The following RABGEF1 variants were observed in gnomAD, a reference collection of about 807,000 sequenced individuals.
RABGEF1 encodes the protein rab5 GDP/GTP exchange factor.
In RABGEF1, 26 loss-of-function variants were observed where a neutral mutation model predicts 57.3. The ratio of observed to expected loss-of-function variants is 0.45; its 90% confidence interval spans 0.33 to 0.63. The LOEUF (loss-of-function observed/expected upper bound fraction) is 0.63, where lower values mean the gene tolerates loss of function less well. Ranked by LOEUF, RABGEF1 falls within the 20% of genes least tolerant of loss-of-function variation. The pLI is 0.02. For synonymous variants in RABGEF1, 185 were observed against 210.7 expected (o/e 0.88, Z 1.06); for missense variants, 464 against 607.6 (o/e 0.76, Z 2.48).
chr7:66,719,877 A>G (rs1348188486), intron 2 of RABGEF1, among the ~76,000 whole-genome samples: 1 of 152,208 alleles, frequency 6.6e-6, no homozygotes, highest in Non-Finnish European at 1.5e-5. Context: ...AAAGCCTCAC[A>G]TATTTACTGA....
intron 4 of RABGEF1, among the ~76,000 whole-genome samples, chr7:66,788,337 C>T (rs996272577): frequency 6.6e-6 from 1 of 151,498 alleles, no homozygotes; most frequent in East Asian, 2.0e-4. Context: ...CCCAGCTACT[C>T]GGGAGGCTGA....
chr7:66,658,708 CA>C, the RABGEF1 span, among the ~76,000 whole-genome samples: 17 of 152,152 alleles, frequency 1.1e-4, no homozygotes, highest in African/African-American at 3.6e-4. Context: ...CAAACTCTTT[CA>C]AAAACTTGAA....
the RABGEF1 span, among the ~76,000 whole-genome samples, chr7:66,661,973 G>GGCGTGGTAGC: frequency 3.3e-5 from 5 of 152,196 alleles, no homozygotes; most frequent in Non-Finnish European, 7.3e-5. Flanking sequence ...AGACCAGCTG[G>GGCGTGGTAGC]GCGTGGTGGC....
rs73377596 is a variant in RABGEF1 at position 66,751,742 on chromosome 7, A to G, written c.-18+10950A>G. ...CTGTCATATTTGTCTCTTGAGAACA[A>G]TGAGATTGCTGAAAATTTCACTCTT... On this transcript the variant is annotated intron_variant, in intron 1 of 8. Transcript: ENST00000284957. Among the ~76,000 whole-genome samples, 383 of 152,304 alleles carry G rather than the reference A, an allele frequency of 2.5e-3. 1 individual carries two copies. Among genetic ancestry groups the G allele is most frequent in the African/African-American group, 8.9e-3 (371 of 41,560 alleles).
intron 2 of RABGEF1, among the ~76,000 whole-genome samples, chr7:66,734,250 G>A (rs1183931163): frequency 5.3e-5 from 8 of 152,104 alleles, no homozygotes; most frequent in African/African-American, 1.7e-4. Context: ...ACGGGTTATC[G>A]GTGTCTGATG....
At chr7:66,803,106 A>G (rs1787661096) in intron 7 of RABGEF1, among the ~76,000 whole-genome samples, 1 of 152,372 alleles carries the variant, frequency 6.6e-6, no homozygotes, top group Non-Finnish European at 1.5e-5. Flanking sequence ...AACAATAATT[A>G]TAACCCAGGA....
the RABGEF1 span, among the ~76,000 whole-genome samples, chr7:66,663,620 T>C: frequency 1.3e-5 from 2 of 149,454 alleles, no homozygotes; most frequent in Admixed American, 6.7e-5. Flanking sequence ...AGGGATAGCA[T>C]TGGGAGATAT....
intron 1 of RABGEF1, among the ~76,000 whole-genome samples, chr7:66,691,883 A>G (rs1402170213): frequency 6.6e-6 from 1 of 151,660 alleles, no homozygotes; most frequent in Non-Finnish European, 1.5e-5. Flanking sequence ...GCAAGATCCC[A>G]TTTCTACAAA....
At chr7:66,734,789 G>A (rs1466593714) in intron 2 of RABGEF1, among the ~76,000 whole-genome samples, 5 of 151,864 alleles carry the variant, frequency 3.3e-5, no homozygotes, top group Middle Eastern at 3.2e-3. Context: ...GTCATTTCTC[G>A]GTCTTCAAAA....
chr7:66,788,076 C>T (rs974951788), intron 4 of RABGEF1, among the ~76,000 whole-genome samples: 2 of 152,142 alleles, frequency 1.3e-5, no homozygotes, highest in African/African-American at 2.4e-5. Context: ...GTAGCTTGTC[C>T]TGCTTTTAAA....
At chr7:66,740,904 G>T (rs1337657925) in intron 1 of RABGEF1, 112 bp downstream of exon 1, 1 of 152,056 alleles carries the variant, frequency 6.6e-6, no homozygotes, top group African/African-American at 2.4e-5. Flanking sequence ...TGCCATCCGC[G>T]CGGCTGGGGC....
chr7:66,664,207 G>T, the RABGEF1 span, among the ~76,000 whole-genome samples: 1 of 152,160 alleles, frequency 6.6e-6, no homozygotes, highest in African/African-American at 2.4e-5. Flanking sequence ...GTGGAATGGG[G>T]TGACAGAAAC....
At chr7:66,700,749 C>T (rs894659955) in intron 1 of RABGEF1, among the ~76,000 whole-genome samples, 3 of 152,246 alleles carry the variant, frequency 2.0e-5, no homozygotes, top group African/African-American at 7.2e-5. Flanking sequence ...GACCACTCTG[C>T]CTTGTCTCTT....
At chr7:66,773,995 C>T (rs1016272771) in intron 2 of RABGEF1, 2 of 331,232 alleles carry the variant, frequency 6.0e-6, no homozygotes, top group South Asian at 2.3e-5. Context: ...AGGTGGTTCA[C>T]ATGCAGCTAA....
At chr7:66,662,361 G>C in the RABGEF1 span, among the ~76,000 whole-genome samples, 1 of 152,212 alleles carries the variant, frequency 6.6e-6, no homozygotes, top group Non-Finnish European at 1.5e-5. Flanking sequence ...CAGCTACTTG[G>C]GAGGCTGAGG....
chr7:66,757,142 A>G (rs934658226), intron 1 of RABGEF1, among the ~76,000 whole-genome samples: 1 of 152,204 alleles, frequency 6.6e-6, no homozygotes, highest in African/African-American at 2.4e-5. Flanking sequence ...CTGTTACAAC[A>G]TTTATTTTCA....
intron 5 of RABGEF1, among the ~76,000 whole-genome samples, chr7:66,795,806 A>G (rs1813890002): frequency 6.6e-6 from 1 of 152,156 alleles, no homozygotes; most frequent in Non-Finnish European, 1.5e-5. Flanking sequence ...TTATTGAGTA[A>G]CATTTAATAA....
At chr7:66,687,483 CAAAAA>C (rs67647811) in intron 1 of RABGEF1, among the ~76,000 whole-genome samples, 1 of 120,862 alleles carries the variant, frequency 8.3e-6, no homozygotes, top group Non-Finnish European at 1.7e-5. Context: ...TTGTTTAAGC[CAAAAA>C]AAAAAAAAAA....
At chr7:66,730,733 T>A (rs1205359453) in intron 2 of RABGEF1, among the ~76,000 whole-genome samples, 3 of 152,052 alleles carry the variant, frequency 2.0e-5, no homozygotes, top group African/African-American at 7.2e-5. Context: ...GATTTTTGTA[T>A]TTTTGGTAGA....
Sources: allele counts gnomAD v4.1 joint callset (sites outside exome capture counted in the v4.1 genomes callset), GRCh38; gene constraint gnomAD v4.1.1; transcripts MANE v1.5; gene names NCBI Gene and HGNC (gene_info 2026-07-23, HGNC 2026-07-21).